The following USP34 variants were observed in gnomAD, a reference collection of about 807,000 sequenced individuals.
USP34 encodes ubiquitin carboxyl-terminal hydrolase 34.
In USP34, 70 loss-of-function variants were observed where a neutral mutation model predicts 460.3. The observed-to-expected ratio is 0.15, with a 90% CI of 0.13 to 0.19. The LOEUF (loss-of-function observed/expected upper bound fraction) is 0.19, where lower values mean the gene tolerates loss of function less well. USP34 is among the 10% of genes least tolerant of loss of function. The pLI is 1.00. For synonymous variants in USP34, 1,647 were observed against 1,405.3 expected (o/e 1.17, Z -3.85); for missense variants, 3,985 against 4,236.2 (o/e 0.94, Z 1.65).
At chr2:61,381,996 T>C (rs1263729626) in intron 6 of USP34, among the ~76,000 whole-genome samples, 1 of 152,162 alleles carries the variant, frequency 6.6e-6, no homozygotes, top group Admixed American at 6.6e-5. Context: ...GCTACCCTTT[T>C]CTTTATACCC....
intron 1 of USP34, among the ~76,000 whole-genome samples, chr2:61,442,141 A>G (rs1332733748): frequency 1.3e-5 from 2 of 152,180 alleles, no homozygotes; most frequent in Non-Finnish European, 2.9e-5. Context: ...TCAAAGAACT[A>G]ACAAAACTAT....
At chr2:61,202,180 A>C (rs1238138789) in intron 75 of USP34, among the ~76,000 whole-genome samples, 1 of 152,148 alleles carries the variant, frequency 6.6e-6, no homozygotes, top group African/African-American at 2.4e-5. Context: ...AATGAATTCT[A>C]AGGTAGGGTC....
chr2:61,311,575 T>C lies in USP34; in HGVS notation c.3782A>G (p.Glu1261Gly). The change falls in exon 27 of 80, where the codon GAG (glutamate) becomes GGG (glycine). Residue 1261 changes from glutamate to glycine, a missense_variant. This residue lies in a region of USP34 where 1,114 missense variants were observed against 1,122.5 expected (regional missense o/e 0.99). Coordinates refer to ENST00000398571, the MANE Select transcript of USP34 (RefSeq NM_014709.4). ...EQINQQAQLQ[E>G]FGQSNRKGEF... ...TCCTTTTCGGTTGCTTTGACCAAAC[T>C]CCTGAAGCTGAGCTTGTTGATTTAT... 6.2e-7 allele frequency: 1 copy of C among 1,610,906 alleles called. No homozygotes were observed. Among genetic ancestry groups the C allele is most frequent in the Non-Finnish European group, 8.5e-7 (1 of 1,179,024 alleles).
rs71405114 is a variant in USP34, at chr2:61,403,992, CAAAAAAA to C, written c.552+1709_552+1715del. ...TGGGCGACAGATCAAGACTCTATCT[CAAAAAAA>C]AAAAAAAAAAAAAAAAAAAGCTTTA... On this transcript the variant is annotated intron_variant, in intron 3 of 79. Coordinates refer to ENST00000398571, the MANE Select transcript of USP34 (RefSeq NM_014709.4). Among the ~76,000 whole-genome samples the C allele has an allele frequency of 4.8e-4, 14 of 29,126 alleles. 1 individual carries two copies. The South Asian group carries it at 0.03, about 63-fold the overall frequency. The allele number at this position is 29,126 out of a possible 152,430, so 19.1% of individuals were successfully genotyped here.
chr2:61,199,486 C>A (rs1369421033), intron 75 of USP34, among the ~76,000 whole-genome samples: 1 of 152,190 alleles, frequency 6.6e-6, no homozygotes, highest in East Asian at 1.9e-4. Context: ...GAACTCCTAA[C>A]CTCAGGTGAT....
Position 61,422,766 on chromosome 2 carries a change from A to T in USP34, c.44-1933T>A, listed in dbSNP as rs1694399126. ...GTAATCCCAGCACTTTGGAAGGCCA[A>T]GGCGGGCAGATCACTTGAGCTTAGG... On this transcript the variant is annotated intron_variant, in intron 1 of 79. Transcript: ENST00000398571. Among the ~76,000 whole-genome samples, 3 of 152,188 alleles carry T rather than the reference A, an allele frequency of 2.0e-5. No individual in the cohort carries two copies. In the South Asian group the frequency reaches 6.2e-4, roughly 31 times the overall value.
intron 6 of USP34, 147 bp from the exon 7 acceptor site, chr2:61,380,508 A>C: frequency 2.7e-6 from 2 of 753,066 alleles, no homozygotes; most frequent in Non-Finnish European, 4.1e-6. Flanking sequence ...GGCCCTGCCT[A>C]ATCTCTTTGG....
intron 48 of USP34, among the ~76,000 whole-genome samples, chr2:61,255,194 T>C (rs913452791): frequency 7.9e-5 from 12 of 152,208 alleles, no homozygotes; most frequent in Non-Finnish European, 1.5e-4. Context: ...AAATGAAAGC[T>C]GAGGAAGAAT....
At chr2:61,309,048 A>C (rs774428458) in intron 27 of USP34, among the ~76,000 whole-genome samples, 5 of 152,098 alleles carry the variant, frequency 3.3e-5, no homozygotes, top group African/African-American at 4.8e-5. Flanking sequence ...CAACAACAAC[A>C]ACAACAACAA....
intron 2 of USP34, among the ~76,000 whole-genome samples, chr2:61,408,666 C>T (rs1332697586): frequency 6.6e-6 from 1 of 151,908 alleles, no homozygotes; most frequent in Non-Finnish European, 1.5e-5. Flanking sequence ...GAGGCTGAGG[C>T]AAGCAGATCA....
At chr2:61,299,398 T>C (rs1051069589) in intron 29 of USP34, among the ~76,000 whole-genome samples, 2 of 152,196 alleles carry the variant, frequency 1.3e-5, no homozygotes, top group African/African-American at 4.8e-5. Context: ...GGCATTGTTT[T>C]AAAAGTTAGT....
chr2:61,329,218 G>A (rs1164323336), intron 20 of USP34, among the ~76,000 whole-genome samples: 3 of 151,554 alleles, frequency 2.0e-5, no homozygotes, highest in African/African-American at 4.9e-5. Context: ...TAAAGACGAC[G>A]TTTCTCCATG....
At chr2:61,243,339 G>T (rs1023981468) in intron 51 of USP34, among the ~76,000 whole-genome samples, 2 of 151,714 alleles carry the variant, frequency 1.3e-5, no homozygotes, top group African/African-American at 4.8e-5. Context: ...TGGAGGTGGG[G>T]TTTCCCCACA....
chr2:61,347,750 T>C (rs1364887320), intron 15 of USP34, 120 bp downstream of exon 15: 6 of 1,472,374 alleles, frequency 4.1e-6, no homozygotes, highest in Admixed American at 2.3e-5. Context: ...CTTACATTTA[T>C]AGTTTGCACT....
chr2:61,438,575 G>A (rs1055032865), intron 1 of USP34, among the ~76,000 whole-genome samples: 1 of 151,884 alleles, frequency 6.6e-6, no homozygotes, highest in Non-Finnish European at 1.5e-5. Flanking sequence ...ACTCCAGCCT[G>A]GGCGACAAGA....
chr2:61,388,274 C>T (rs1168113566), intron 5 of USP34, among the ~76,000 whole-genome samples: 1 of 151,924 alleles, frequency 6.6e-6, no homozygotes, highest in African/African-American at 2.4e-5. Flanking sequence ...TGAGCTACTA[C>T]TATAAATCCA....
rs747094181 is a variant in USP34, at chr2:61,349,311, A to G, written c.1508-26T>C. 36 of 1,610,960 alleles carry G rather than the reference A, an allele frequency of 2.2e-5. No individual in the cohort carries two copies. In the East Asian group the frequency reaches 7.8e-4, roughly 35 times the overall value. On this transcript the variant is annotated intron_variant, in intron 12 of 79. Transcript: ENST00000398571. ...CTGAAGGAAAAGGAAAAAACAGGAG[A>G]AAAACATTCTAAGTGACTCAGCTTC...
intron 29 of USP34, among the ~76,000 whole-genome samples, chr2:61,299,362 AAG>A (rs1258371615): frequency 6.6e-6 from 1 of 152,214 alleles, no homozygotes; most frequent in Non-Finnish European, 1.5e-5. Context: ...AATACATGAA[AAG>A]GTCTTAGAAT....
intron 41 of USP34, among the ~76,000 whole-genome samples, chr2:61,275,338 G>A (rs765998417): frequency 7.9e-5 from 12 of 152,202 alleles, no homozygotes; most frequent in South Asian, 6.2e-4. Context: ...CAAGCATGGC[G>A]GTGTGCGTTG....
Sources: gnomAD v4.1 joint callset for allele counts (sites outside exome capture counted in the v4.1 genomes callset) on GRCh38, gnomAD v4.1.1 for gene constraint, gnomAD v4.1.1 regional missense constraint, MANE v1.5 for transcripts, NCBI Gene and HGNC (gene_info 2026-07-23, HGNC 2026-07-21) for gene names.